EDN1: variants seen among roughly 807,000 people sequenced by gnomAD.
The protein encoded by EDN1 is endothelin 1, also known as endothelin-1.
In EDN1, 11 loss-of-function variants were observed where a neutral mutation model predicts 21.7. The ratio of observed to expected loss-of-function variants is 0.51; its 90% CI spans 0.32 to 0.84. The LOEUF is 0.84. EDN1 is among the 40% of genes least tolerant of loss of function. The probability of loss-of-function intolerance (pLI) is 0.03; values close to 1 mark genes in which losing one functional copy is unlikely to be tolerated. For missense variants in EDN1, 244 were observed against 262.3 expected (o/e 0.93, Z 0.48); for synonymous variants, 85 against 90.6 (o/e 0.94, Z 0.35).
the EDN1 span, among the ~76,000 whole-genome samples, chr6:12,278,202 T>C: frequency 6.6e-6 from 1 of 152,188 alleles, no homozygotes; most frequent in Admixed American, 6.5e-5. Context: ...CCCCAAAAAT[T>C]CATTCTCATA....
In EDN1 at chr6:12,293,953, G is replaced by C; in HGVS notation, c.246G>C (p.Pro82=). ...CTTTGGATAATAGGCACGTTGTTCC[G>C]TATGGACTTGGAAGCCCTAGGTCCA... ...IWVNTPEHVV[P]YGLGSPRSKR... is the part of the protein sequence containing the mutation. The change falls in exon 3 of 5, where the codon CCG becomes CCC. Residue 82 remains proline (P), a synonymous_variant. Transcript: ENST00000379375. 1 of 1,614,138 alleles carries C rather than the reference G, an allele frequency of 6.2e-7. No individual in the cohort carries two copies. Among genetic ancestry groups the C allele is most frequent in the Non-Finnish European group, 8.5e-7 (1 of 1,180,020 alleles).
At chr6:12,240,713 A>T in the EDN1 span, among the ~76,000 whole-genome samples, 1 of 152,270 alleles carries the variant, frequency 6.6e-6, no homozygotes, top group South Asian at 2.1e-4. Context: ...GTACACTGAG[A>T]TACATGGGTG....
intron 4 of EDN1, among the ~76,000 whole-genome samples, chr6:12,294,760 G>A (rs2071942): frequency 0.22 from 34,073 of 151,934 alleles, 3,926 homozygotes; most frequent in South Asian, 0.41. Flanking sequence ...CTGAGAAATC[G>A]AAAATCATTT....
At chr6:12,276,918 A>G in the EDN1 span, among the ~76,000 whole-genome samples, 1 of 152,222 alleles carries the variant, frequency 6.6e-6, no homozygotes, top group African/African-American at 2.4e-5. Context: ...ATCTGTTAAC[A>G]TTTTGAATAT....
chr6:12,273,584 C>T, the EDN1 span, among the ~76,000 whole-genome samples: 1 of 143,762 alleles, frequency 7.0e-6, no homozygotes, highest in Non-Finnish European at 1.5e-5. Flanking sequence ...ATGAGAGATG[C>T]ACTAGAATTG....
the EDN1 span, among the ~76,000 whole-genome samples, chr6:12,246,759 C>G: frequency 3.3e-5 from 5 of 151,186 alleles, no homozygotes; most frequent in African/African-American, 1.2e-4. Context: ...GGAAAGAACC[C>G]TGGATCATAG....
the EDN1 span, among the ~76,000 whole-genome samples, chr6:12,270,738 G>C: frequency 6.6e-6 from 1 of 152,192 alleles, no homozygotes; most frequent in Non-Finnish European, 1.5e-5. Context: ...TGCGAAGAAT[G>C]TGTATTCTGT....
At chr6:12,269,231 A>C in the EDN1 span, among the ~76,000 whole-genome samples, 2 of 152,056 alleles carry the variant, frequency 1.3e-5, no homozygotes, top group South Asian at 2.1e-4. Flanking sequence ...AGTTTTTTGG[A>C]TAGAGTCTTT....
chr6:12,249,810 C>G, the EDN1 span, among the ~76,000 whole-genome samples: 1 of 152,000 alleles, frequency 6.6e-6, no homozygotes, highest in Non-Finnish European at 1.5e-5. Flanking sequence ...TGATTTACGA[C>G]AGTCCTACTG....
the EDN1 span, among the ~76,000 whole-genome samples, chr6:12,245,227 T>C: frequency 6.6e-6 from 1 of 152,298 alleles, no homozygotes; most frequent in East Asian, 1.9e-4. Context: ...CTCTGTGATA[T>C]GGGTACATAG....
the EDN1 span, among the ~76,000 whole-genome samples, chr6:12,267,386 C>T: frequency 6.6e-6 from 1 of 152,126 alleles, no homozygotes; most frequent in Non-Finnish European, 1.5e-5. Flanking sequence ...TTAAGAAACT[C>T]AAGTTAGCAC....
the EDN1 span, among the ~76,000 whole-genome samples, chr6:12,273,194 C>T: frequency 7.9e-5 from 12 of 152,312 alleles, no homozygotes; most frequent in South Asian, 2.1e-4. Context: ...AGGTGACATC[C>T]AATCCAAGTC....
chr6:12,280,748 C>A, the EDN1 span, among the ~76,000 whole-genome samples: 1 of 152,076 alleles, frequency 6.6e-6, no homozygotes, highest in African/African-American at 2.4e-5. Flanking sequence ...TACAAATTAG[C>A]CAGACATGGT....
intron 2 of EDN1, 138 bp from the exon 3 acceptor site, chr6:12,293,803 C>T (rs1027674534): frequency 9.4e-6 from 9 of 956,710 alleles, no homozygotes; most frequent in African/African-American, 1.6e-5. Context: ...GCTGTTGTTA[C>T]ACTTTACCCT....
chr6:12,277,490 T>C, the EDN1 span, among the ~76,000 whole-genome samples: 1 of 152,208 alleles, frequency 6.6e-6, no homozygotes, highest in Non-Finnish European at 1.5e-5. Context: ...AAAGGATAAG[T>C]AGCTTGCCCA....
chr6:12,264,689 C>T, the EDN1 span, among the ~76,000 whole-genome samples: 6 of 152,146 alleles, frequency 3.9e-5, no homozygotes, highest in African/African-American at 1.4e-4. Flanking sequence ...ACATTCAAAG[C>T]CATCCTGGAC....
intron 2 of EDN1, among the ~76,000 whole-genome samples, chr6:12,293,290 G>T (rs943818255): frequency 2.0e-5 from 3 of 152,150 alleles, no homozygotes; most frequent in African/African-American, 7.3e-5. Context: ...TAATTACTAA[G>T]GTGATACTTC....
chr6:12,294,918 G>GCCTTT (rs1372942685), intron 4 of EDN1, among the ~76,000 whole-genome samples: 2 of 32,694 alleles, frequency 6.1e-5, no homozygotes, highest in South Asian at 1.8e-3. Context: ...CAGGTTTATG[G>GCCTTT]TCTTTTTTTT....
At chr6:12,257,274 C>T in the EDN1 span, among the ~76,000 whole-genome samples, 1 of 152,186 alleles carries the variant, frequency 6.6e-6, no homozygotes, top group Non-Finnish European at 1.5e-5. Flanking sequence ...CAAATCTCTT[C>T]TTTGTATGCA....
Sources: gnomAD v4.1 joint callset for allele counts (sites outside exome capture counted in the v4.1 genomes callset) on GRCh38, gnomAD v4.1.1 for gene constraint, MANE v1.5 for transcripts, NCBI Gene and HGNC (gene_info 2026-07-23, HGNC 2026-07-21) for gene names.